The following BUB1B variants were observed in gnomAD, a reference collection of about 807,000 sequenced individuals.
BUB1B encodes the protein mitotic checkpoint serine/threonine-protein kinase BUB1 beta.
In BUB1B, 86 loss-of-function variants were observed where a neutral mutation model predicts 137.7. The observed-to-expected ratio is 0.62, with a 90% CI of 0.52 to 0.75. The LOEUF is 0.75. Ranked by LOEUF, BUB1B falls within the 30% of genes least tolerant of loss-of-function variation. The pLI is 0.00. For synonymous variants in BUB1B, 420 were observed against 417.9 expected, an observed-to-expected ratio of 1.00 and a Z score of -0.06; for missense variants, 1,130 against 1,236.9, an observed-to-expected ratio of 0.91 and a Z score of 1.30.
intron 20 of BUB1B, 125 bp downstream of exon 20, chr15:40,213,599 G>C: frequency 9.4e-7 from 1 of 1,069,254 alleles, no homozygotes; most frequent in South Asian, 1.3e-5. Flanking sequence ...ACAGTGGCAT[G>C]ATCTTGGCTC....
At chr15:40,198,255 A>T (rs951672462) in intron 9 of BUB1B, among the ~76,000 whole-genome samples, 6 of 143,008 alleles carry the variant, frequency 4.2e-5, no homozygotes, top group African/African-American at 1.5e-4. Flanking sequence ...TTTTTTTTTA[A>T]ATAGAGAGAT....
chr15:40,181,518 CTCTT>C (rs1297393773), intron 5 of BUB1B, among the ~76,000 whole-genome samples: 1 of 152,130 alleles, frequency 6.6e-6, no homozygotes, highest in Non-Finnish European at 1.5e-5. Context: ...TACCTATTAT[CTCTT>C]TCTTCTTTCT....
intron 14 of BUB1B, 72 bp from the exon 15 acceptor site, chr15:40,206,112 T>C (rs1258537125): frequency 4.7e-6 from 7 of 1,477,304 alleles, no homozygotes; most frequent in Non-Finnish European, 6.6e-6. Flanking sequence ...TGAGCTAATA[T>C]GTCTCTCTCA....
chr15:40,165,406 C>T (rs1317675764), intron 2 of BUB1B, among the ~76,000 whole-genome samples: 1 of 152,210 alleles, frequency 6.6e-6, no homozygotes, highest in Non-Finnish European at 1.5e-5. Flanking sequence ...GATTTCATTT[C>T]ACTGTGGTGC....
intron 9 of BUB1B, among the ~76,000 whole-genome samples, chr15:40,197,621 G>A (rs2037514093): frequency 6.6e-6 from 1 of 152,196 alleles, no homozygotes; most frequent in Non-Finnish European, 1.5e-5. Context: ...ACAGGATGTG[G>A]TGTTTGTGGG....
At chr15:40,206,530 A>G in intron 15 of BUB1B, 72 bp downstream of exon 15, 4 of 1,589,366 alleles carry the variant, frequency 2.5e-6, no homozygotes, top group Non-Finnish European at 3.4e-6. Flanking sequence ...TGTCAGTTAC[A>G]GTAATCAGTT....
intron 4 of BUB1B, among the ~76,000 whole-genome samples, chr15:40,175,403 TA>T (rs1277437924): frequency 3.3e-5 from 5 of 151,052 alleles, no homozygotes; most frequent in South Asian, 4.2e-4. Flanking sequence ...TCTGTAGAAA[TA>T]AAAAAAAATT....
chr15:40,218,364 G>A (rs996649078), intron 21 of BUB1B, 92 bp from the exon 22 acceptor site: 6 of 864,172 alleles, frequency 6.9e-6, no homozygotes, highest in Non-Finnish European at 1.2e-5. Flanking sequence ...ACTTAGTTAA[G>A]CACTGTAATA....
Position 40,201,130 on chromosome 15 carries a change from G to A in BUB1B, c.1567+150G>A, listed in dbSNP as rs1028717181. On this transcript the variant is annotated intron_variant, in intron 12 of 22. Transcript: ENST00000287598. ...TAGTATAAGCATATGCTTTATGATA[G>A]GAAAGACATTTGAAAGAGTATTTTT... 1.2e-4 allele frequency: 80 copies of A among 658,706 alleles called. No homozygotes were observed. The African/African-American group carries it at 1.3e-3, about 11-fold the overall frequency. 40.8% of individuals were successfully genotyped at this position (658,706 alleles called of 1,614,324 possible). A position where few individuals can be genotyped will look rare whatever the true frequency, so the allele number is the denominator to read the frequency against.
chr15:40,174,973 G>GA (rs1045875277), intron 4 of BUB1B, among the ~76,000 whole-genome samples: 5 of 151,592 alleles, frequency 3.3e-5, no homozygotes, highest in Non-Finnish European at 3.0e-5. Context: ...CAAAAAAAAG[G>GA]AAAAAAAATG....
At chr15:40,183,357 G>T (rs147864905) in intron 5 of BUB1B, among the ~76,000 whole-genome samples, 1 of 152,180 alleles carries the variant, frequency 6.6e-6, no homozygotes, top group Non-Finnish European at 1.5e-5. Context: ...TTAACAATTG[G>T]TGGGTCAAGT....
At chr15:40,183,644 C>A in intron 5 of BUB1B, 70 bp from the exon 6 acceptor site, 2 of 1,484,270 alleles carry the variant, frequency 1.3e-6, no homozygotes, top group Non-Finnish European at 1.9e-6. Flanking sequence ...TTTACTTTAA[C>A]AAATTGGAAA....
intron 15 of BUB1B, among the ~76,000 whole-genome samples, chr15:40,207,367 GC>G (rs2037650759): frequency 6.6e-6 from 1 of 152,168 alleles, no homozygotes; most frequent in South Asian, 2.1e-4. Context: ...ACTTTGGGAG[GC>G]TGAGGGAGGC....
In BUB1B at chr15:40,198,655, T is replaced by C. The variant is rs139627127; in HGVS notation, c.1289-960T>C. ...CTCTTCTTTCAAAAACTTTAGCTTC[T>C]TTCAGATTTCTGTCCTCTAATTCTT... On this transcript the variant is annotated intron_variant, in intron 9 of 22. Transcript: ENST00000287598. Among the ~76,000 whole-genome samples, 89 of 152,344 alleles carry C rather than the reference T, an allele frequency of 5.8e-4. 2 individuals carry two copies. Among genetic ancestry groups the C allele is most frequent in the Non-Finnish European group, 1.1e-3 (73 of 68,032 alleles).
intron 5 of BUB1B, among the ~76,000 whole-genome samples, chr15:40,182,429 A>G (rs2037305902): frequency 6.6e-6 from 1 of 152,134 alleles, no homozygotes; most frequent in African/African-American, 2.4e-5. Context: ...TTAGTAGACA[A>G]CCACACTTCA....
chr15:40,217,439 A>G (rs2037810384), intron 20 of BUB1B, 57 bp from the exon 21 acceptor site: 6 of 1,417,094 alleles, frequency 4.2e-6, no homozygotes, highest in East Asian at 2.3e-5. Flanking sequence ...AAGACCAGCT[A>G]TGCAGCTTCT....
chr15:40,200,429 T>C, intron 11 of BUB1B, 70 bp downstream of exon 11: 1 of 1,123,562 alleles, frequency 8.9e-7, no homozygotes, highest in Non-Finnish European at 1.3e-6. Flanking sequence ...GACTCTCTAG[T>C]GCCTTGAAGT....
rs527987333 is a variant in BUB1B at position 40,206,371 on chromosome 15, A to T, written c.1922A>T (p.Glu641Val). The part of the protein sequence containing the change: ...LPSDPERLLP[E>V]EDLDVKTSED... Reference sequence around the variant, plus strand: ...TCTGATCCTGAGAGACTGTTACCGGAAGAAGATCTAGATGTAAAGACCTCT... The same window carrying T: ...TCTGATCCTGAGAGACTGTTACCGGTAGAAGATCTAGATGTAAAGACCTCT... The change falls in exon 15 of 23, where the codon GAA (glutamate) becomes GTA (valine). Residue 641 changes from glutamate to valine, a missense_variant. Transcript: ENST00000287598. 7 of 1,614,166 alleles carry T rather than the reference A, an allele frequency of 4.3e-6. No individual in the cohort carries two copies. The East Asian group carries it at 1.3e-4, about 31-fold the overall frequency.
intron 20 of BUB1B, among the ~76,000 whole-genome samples, chr15:40,214,190 A>G (rs2140908625): frequency 6.6e-6 from 1 of 152,350 alleles, no homozygotes; most frequent in African/African-American, 2.4e-5. Flanking sequence ...CTGTTAGCCA[A>G]GAGAAGTGGG....
Sources: allele counts gnomAD v4.1 joint callset (sites outside exome capture counted in the v4.1 genomes callset), GRCh38; gene constraint gnomAD v4.1.1; transcripts MANE v1.5; gene names NCBI Gene and HGNC (gene_info 2026-07-23, HGNC 2026-07-21).